Variants in RAP1GAP observed in about 807,000 individuals in gnomAD.
RAP1GAP encodes rap1 GTPase-activating protein 1.
A neutral mutation model predicts 87.2 loss-of-function variants in RAP1GAP; 35 were observed. That is an observed-to-expected ratio of 0.40 (90% CI 0.31 to 0.53). The LOEUF is 0.53. RAP1GAP is among the 20% of genes least tolerant of loss of function. RAP1GAP has a pLI of 0.48. For synonymous variants in RAP1GAP, 375 were observed against 363.9 expected (o/e 1.03, Z -0.35); for missense variants, 734 against 898.9 (o/e 0.82, Z 2.35).
At chr1:21,626,805 G>C in intron 2 of RAP1GAP, 1 of 439,184 alleles carries the variant, frequency 2.3e-6, no homozygotes, top group Non-Finnish European at 4.6e-6. Context: ...GGCTACCAGG[G>C]CTACCGCTAT....
Position 21,613,747 on chromosome 1 carries a change from G to T in RAP1GAP, c.396-41C>A. 6.4e-7 allele frequency: 1 copy of T among 1,564,784 alleles called. No individual in the cohort carries two copies. The highest frequency in any genetic ancestry group is 8.8e-7 in the Non-Finnish European group (1 of 1,136,718). On this transcript the variant is annotated intron_variant, in intron 8 of 24. Coordinates refer to ENST00000374765, the MANE Select transcript of RAP1GAP (RefSeq NM_002885.4). This position sits in a 1 kb window ranked among gnomAD's most constrained non-coding sequence, Gnocchi z 4.7. The stretch of plus-strand genomic sequence containing the variant: ...CACACGATGAAGGCCTGGGCAGCAG[G>T]ACAGGAAAATGGGAACCCCACCCCC...
chr1:21,614,056 G>A lies in RAP1GAP; in HGVS notation c.325C>T (p.Leu109Phe). The A allele has an allele frequency of 1.2e-6, 2 of 1,612,002 alleles. No individual in the cohort carries two copies. The highest frequency in any genetic ancestry group is 1.7e-6 in the Non-Finnish European group (2 of 1,178,708). ...HFNYYSLDAA[L>F]GHLVFSLKYD... ...TTGAGTGAGAAGACAAGGTGGCCGA[G>A]GGCAGCGTCCAGTGAGTAGTAATTG... is the stretch of plus-strand genomic sequence containing the variant. Residue 109 changes from leucine to phenylalanine, a missense_variant, in exon 8 of 25, where the codon CTC becomes TTC. By Grantham distance (22) the Leu-to-Phe change is conservative. This residue lies in a region of RAP1GAP where 485 missense variants were observed against 646.2 expected (regional missense o/e 0.75). Transcript: ENST00000374765.
intron 1 of RAP1GAP, chr1:21,651,473 A>G (rs1292706453): frequency 1.6e-6 from 1 of 612,522 alleles, no homozygotes; most frequent in African/African-American, 1.9e-5. Context: ...AGCCCCAGTC[A>G]CATGCATAAG....
intron 1 of RAP1GAP, among the ~76,000 whole-genome samples, chr1:21,656,449 A>G (rs2096870093): frequency 6.7e-6 from 1 of 148,434 alleles, no homozygotes; most frequent in Non-Finnish European, 1.5e-5. Context: ...AAAAAAAAAA[A>G]AAAAAGACCT....
At chr1:21,646,901 A>G (rs2151760932) in intron 2 of RAP1GAP, among the ~76,000 whole-genome samples, 1 of 152,228 alleles carries the variant, frequency 6.6e-6, no homozygotes, top group East Asian at 1.9e-4. Context: ...GGGGTTAGGG[A>G]TGTGTAGGGG....
intron 16 of RAP1GAP, 105 bp downstream of exon 16, chr1:21,608,745 T>G: frequency 8.4e-7 from 1 of 1,193,784 alleles, no homozygotes; most frequent in Non-Finnish European, 1.2e-6. Context: ...GTGTCCCCGC[T>G]AAGGCCAAGG....
At chr1:21,648,414 C>G (rs1315977373) in intron 2 of RAP1GAP, among the ~76,000 whole-genome samples, 1 of 152,242 alleles carries the variant, frequency 6.6e-6, no homozygotes, top group African/African-American at 2.4e-5. Context: ...GGGCTCTGCA[C>G]AGAGTCTGGA....
chr1:21,643,786 G>A (rs2095772484), intron 2 of RAP1GAP, among the ~76,000 whole-genome samples: 1 of 152,154 alleles, frequency 6.6e-6, no homozygotes, highest in African/African-American at 2.4e-5. Flanking sequence ...CCATTGTTAT[G>A]GACAATCTGG....
chr1:21,666,638 T>C (rs1304587715), intron 1 of RAP1GAP, among the ~76,000 whole-genome samples: 1 of 151,880 alleles, frequency 6.6e-6, no homozygotes, highest in Non-Finnish European at 1.5e-5. Flanking sequence ...CTGGGGACGG[T>C]CGGGGGCCTC....
intron 20 of RAP1GAP, among the ~76,000 whole-genome samples, chr1:21,600,864 G>A (rs2067673571): frequency 1.0e-5 from 1 of 96,274 alleles, no homozygotes; most frequent in South Asian, 3.6e-4. Flanking sequence ...CAGCCTGGGA[G>A]ACAGAGCAAG....
intron 17 of RAP1GAP, 32 bp from the exon 18 acceptor site, chr1:21,606,229 G>A (rs548103273): frequency 3.2e-6 from 5 of 1,558,120 alleles, no homozygotes; most frequent in East Asian, 2.3e-5. Context: ...AGGAGGCACA[G>A]GATTCCTAAG....
At chr1:21,644,900 CAAAAA>C (rs34783815) in intron 2 of RAP1GAP, among the ~76,000 whole-genome samples, 8 of 114,544 alleles carry the variant, frequency 7.0e-5, no homozygotes, top group Admixed American at 9.2e-5. Flanking sequence ...GACCCTGTCT[CAAAAA>C]AAAAAAAAAA....
intron 1 of RAP1GAP, among the ~76,000 whole-genome samples, chr1:21,663,775 G>T (rs1275785322): frequency 2.0e-5 from 3 of 152,132 alleles, no homozygotes; most frequent in Non-Finnish European, 4.4e-5. Flanking sequence ...CAGACACATG[G>T]CTCCCGTGGC....
chr1:21,644,900 C>CAAAAAAAAAAAAA (rs34783815), intron 2 of RAP1GAP, among the ~76,000 whole-genome samples: 1 of 114,552 alleles, frequency 8.7e-6, no homozygotes, highest in African/African-American at 3.5e-5. Context: ...GACCCTGTCT[C>CAAAAAAAAAAAAA]AAAAAAAAAA....
At chr1:21,652,176 C>T (rs1040304448) in intron 1 of RAP1GAP, among the ~76,000 whole-genome samples, 7 of 151,516 alleles carry the variant, frequency 4.6e-5, no homozygotes, top group African/African-American at 1.7e-4. Flanking sequence ...CCTCCCGCCC[C>T]CTCGAGCCGC....
intron 2 of RAP1GAP, among the ~76,000 whole-genome samples, chr1:21,641,961 T>A (rs901282818): frequency 4.6e-5 from 7 of 152,198 alleles, no homozygotes; most frequent in African/African-American, 1.4e-4. Context: ...GCTGCATTGT[T>A]ACACCGGCCG....
intron 1 of RAP1GAP, among the ~76,000 whole-genome samples, chr1:21,659,477 G>T (rs1338776197): frequency 6.6e-6 from 1 of 151,928 alleles, no homozygotes; most frequent in East Asian, 1.9e-4. Flanking sequence ...CCCTCTCCCC[G>T]GCGCCAGGCG....
rs771105236 is a variant in RAP1GAP at position 21,614,060 on chromosome 1, A to G, written c.321T>C (p.Ala107=). The G allele has an allele frequency of 1.3e-5, 21 of 1,611,480 alleles. No individual in the cohort carries two copies. The highest frequency in any genetic ancestry group is 1.8e-5 in the Non-Finnish European group (21 of 1,178,228). The change falls in exon 8 of 25, where the codon GCT becomes GCC. Residue 107 remains alanine, a synonymous_variant. Coordinates refer to ENST00000374765, the MANE Select transcript of RAP1GAP (RefSeq NM_002885.4). ...GTGAGAAGACAAGGTGGCCGAGGGC[A>G]GCGTCCAGTGAGTAGTAATTGAAAT... is the stretch of plus-strand genomic sequence containing the variant. ...KEHFNYYSLD[A]ALGHLVFSLK... is the part of the protein sequence containing the mutation.
At chr1:21,651,187 C>T (rs1011894526) in intron 1 of RAP1GAP, among the ~76,000 whole-genome samples, 1 of 152,254 alleles carries the variant, frequency 6.6e-6, no homozygotes, top group African/African-American at 2.4e-5. Flanking sequence ...CAAGCCCAGG[C>T]AGCCAGTGGC....
Sources: allele counts gnomAD v4.1 joint callset (sites outside exome capture counted in the v4.1 genomes callset), GRCh38; gene constraint gnomAD v4.1.1; regional missense constraint gnomAD v4.1.1; non-coding constraint Gnocchi (gnomAD v3.1); transcripts MANE v1.5; gene names NCBI Gene and HGNC (gene_info 2026-07-23, HGNC 2026-07-21).